The following ESYT2 variants were observed in gnomAD, a reference collection of about 807,000 sequenced individuals.
ESYT2 encodes the protein extended synaptotagmin 2.
ESYT2 carries 54 observed loss-of-function variants against 107.2 expected under a neutral mutation model. The ratio of observed to expected loss-of-function variants is 0.50; its 90% confidence interval spans 0.40 to 0.63. ESYT2 has a LOEUF of 0.63. ESYT2 is among the 30% of genes least tolerant of loss of function. The pLI, the probability that ESYT2 is intolerant of heterozygous loss-of-function variation, is 0.00. For synonymous variants in ESYT2, 491 were observed against 434.1 expected, an observed-to-expected ratio of 1.13 and a Z score of -1.63; for missense variants, 1,020 against 1,094.5, an observed-to-expected ratio of 0.93 and a Z score of 0.96.
chr7:158,768,680 A>G (rs536151808), intron 7 of ESYT2, among the ~76,000 whole-genome samples: 1 of 152,222 alleles, frequency 6.6e-6, no homozygotes, highest in African/African-American at 2.4e-5. Context: ...GGCCTCCCGA[A>G]GTGCTGGGAT....
intron 8 of ESYT2, among the ~76,000 whole-genome samples, chr7:158,765,871 G>A (rs2129472284): frequency 1.3e-5 from 2 of 152,218 alleles, no homozygotes; most frequent in Middle Eastern, 3.4e-3. Flanking sequence ...CCTTTTGGTA[G>A]GAAGCATTCT....
At chr7:158,755,640 A>C (rs1030168349) in intron 13 of ESYT2, among the ~76,000 whole-genome samples, 2 of 152,154 alleles carry the variant, frequency 1.3e-5, no homozygotes, top group African/African-American at 4.8e-5. Flanking sequence ...TTAAGCAGTA[A>C]AACAGGTACT....
chr7:158,788,214 C>A, intron 5 of ESYT2, 121 bp from the exon 6 acceptor site: 1 of 1,158,630 alleles, frequency 8.6e-7, no homozygotes, highest in Non-Finnish European at 1.2e-6. Context: ...TTTATCTCAA[C>A]TATGACCTAC....
intron 1 of ESYT2, among the ~76,000 whole-genome samples, chr7:158,818,297 T>C (rs913296213): frequency 1.3e-5 from 2 of 152,222 alleles, no homozygotes; most frequent in Admixed American, 1.3e-4. Flanking sequence ...TTAAGGAAGA[T>C]ACAGAGCAAA....
intron 17 of ESYT2, among the ~76,000 whole-genome samples, chr7:158,742,122 T>C (rs1227282819): frequency 6.6e-6 from 1 of 152,204 alleles, no homozygotes; most frequent in Non-Finnish European, 1.5e-5. Context: ...GCCAGAGTGC[T>C]GTAGCTCTTC....
At chr7:158,809,601 A>G (rs1188026923) in intron 1 of ESYT2, among the ~76,000 whole-genome samples, 4 of 152,264 alleles carry the variant, frequency 2.6e-5, no homozygotes, top group Admixed American at 6.5e-5. Flanking sequence ...ATTATGAGTT[A>G]GAGAAATACA....
At chr7:158,737,254 T>G in intron 19 of ESYT2, 75 bp from the exon 20 acceptor site, 1 of 1,509,986 alleles carries the variant, frequency 6.6e-7, no homozygotes, top group East Asian at 2.3e-5. Context: ...CAGATATGCT[T>G]TATCAAGCTT....
At position 158,799,017 on chromosome 7, in the gene ESYT2, T is replaced by C. The variant is rs746033491; in HGVS notation, c.372+14A>G. On this transcript the variant is annotated intron_variant, in intron 2 of 22. Transcript: ENST00000275418. ...TTCCACTGATGGATGGTAGTTGGTA[T>C]ACTCTAATCTTACCTTATTTAGCCA... The C allele has an allele frequency of 1.9e-6, 3 of 1,609,072 alleles. No individual in the cohort carries two copies. Among genetic ancestry groups the C allele is most frequent in the Admixed American group, 1.7e-5 (1 of 59,140 alleles).
chr7:158,780,288 C>G (rs967676800), intron 6 of ESYT2, among the ~76,000 whole-genome samples: 1 of 152,216 alleles, frequency 6.6e-6, no homozygotes, highest in Non-Finnish European at 1.5e-5. Context: ...CAGTCATCAC[C>G]TGAGGGCTTC....
At chr7:158,827,237 G>C (rs1010924959) in intron 1 of ESYT2, among the ~76,000 whole-genome samples, 2 of 151,462 alleles carry the variant, frequency 1.3e-5, no homozygotes, top group Non-Finnish European at 2.9e-5. Flanking sequence ...TTTGATATTA[G>C]CCAATAACCA....
chr7:158,789,700 A>G (rs1341096819), intron 4 of ESYT2, among the ~76,000 whole-genome samples: 1 of 152,052 alleles, frequency 6.6e-6, no homozygotes, highest in Admixed American at 6.6e-5. Context: ...CTCCTTCCCT[A>G]TCTCTACTGC....
chr7:158,741,840 G>C lies in ESYT2; in HGVS notation c.1851C>G (p.Val617=). The C allele has an allele frequency of 6.2e-7, 1 of 1,613,956 alleles. No homozygotes were observed. The highest frequency in any genetic ancestry group is 1.3e-5 in the African/African-American group (1 of 75,018). ...RPPDHQHSAQ[V]KRPSVSKEGR... ...CCTCTTTGGACACAGAGGGACGTTT[G>C]ACTTGAGCTGAGTGTTGGTGGTCTG... The change falls in exon 18 of 23, where the codon GTC becomes GTG. Residue 617 remains valine (V), a synonymous_variant. Transcript: ENST00000275418.
chr7:158,734,220 T>C lies in ESYT2; in HGVS notation c.2588A>G (p.Gln863Arg). 6.2e-7 allele frequency: 1 copy of C among 1,614,132 alleles called. No homozygotes were observed. The highest frequency in any genetic ancestry group is 8.5e-7 in the Non-Finnish European group (1 of 1,180,028). Residue 863 changes from glutamine to arginine, a missense_variant, in exon 23 of 23, where the codon CAG becomes CGG. Transcript: ENST00000275418. Reference sequence around the variant, plus strand: ...TGCCTGCTGCGGCTATGTCATCGCCTGAGGCCTCGTCCCATCTTCCGTGAG... The same window carrying C: ...TGCCTGCTGCGGCTATGTCATCGCCCGAGGCCTCGTCCCATCTTCCGTGAG... The part of the protein sequence containing the change: ...YDLTEDGTRP[Q>R]AMT
chr7:158,825,948 G>C (rs1174405433), intron 1 of ESYT2, among the ~76,000 whole-genome samples: 3 of 151,072 alleles, frequency 2.0e-5, no homozygotes, highest in Non-Finnish European at 4.4e-5. Flanking sequence ...ACTTTAGGAA[G>C]TCTAAGTGGG....
chr7:158,786,816 A>C (rs2129473173), intron 6 of ESYT2, among the ~76,000 whole-genome samples: 1 of 152,362 alleles, frequency 6.6e-6, no homozygotes, highest in Non-Finnish European at 1.5e-5. Context: ...ACTTCCATAA[A>C]GGACTCATCA....
chr7:158,782,749 T>G (rs842452), intron 6 of ESYT2, among the ~76,000 whole-genome samples: 99,787 of 150,780 alleles, frequency 0.66, 34,966 homozygotes, highest in Non-Finnish European at 0.79. Context: ...CTCAAGCATG[T>G]GTGAGAACAA....
rs754451484 is a variant in ESYT2 at position 158,735,491 on chromosome 7, T to C, written c.2505+12A>G. The C allele has an allele frequency of 3.1e-6, 5 of 1,608,252 alleles. No individual in the cohort carries two copies. In the South Asian group the frequency reaches 5.5e-5, roughly 18 times the overall value. On this transcript the variant is annotated intron_variant, in intron 21 of 22. Transcript: ENST00000275418. Reference sequence around the variant, plus strand: ...ACTGCAGGAACTGGTTGAGGATTCGTTTGGCACTTACTTTGCCAAGGAGCC... The same window carrying C: ...ACTGCAGGAACTGGTTGAGGATTCGCTTGGCACTTACTTTGCCAAGGAGCC...
intron 4 of ESYT2, among the ~76,000 whole-genome samples, chr7:158,790,692 C>T (rs557079656): frequency 2.2e-4 from 34 of 152,132 alleles, no homozygotes; most frequent in Admixed American, 6.5e-4. Flanking sequence ...TTTGGGAGGC[C>T]GAGGCAGGCG....
intron 7 of ESYT2, among the ~76,000 whole-genome samples, chr7:158,768,441 CAG>C (rs1838238343): frequency 6.6e-6 from 1 of 152,162 alleles, no homozygotes; most frequent in Non-Finnish European, 1.5e-5. Flanking sequence ...TTTAATGAGA[CAG>C]AGTTTTGATC....
Sources: gnomAD v4.1 joint callset for allele counts (sites outside exome capture counted in the v4.1 genomes callset) on GRCh38, gnomAD v4.1.1 for gene constraint, MANE v1.5 for transcripts, NCBI Gene and HGNC (gene_info 2026-07-23, HGNC 2026-07-21) for gene names.